Variants in MTMR8 observed in about 807,000 individuals in gnomAD.
MTMR8 encodes the protein myotubularin related protein 8.
Under a neutral mutation model 39.3 loss-of-function variants are expected in MTMR8, and 65 were observed. The observed-to-expected ratio is 1.65, with a 90% CI of 1.35 to 2.03. The LOEUF is 2.03. MTMR8 is among the 30% of genes most tolerant of loss of function. MTMR8 has a pLI of 0.00. For synonymous variants in MTMR8, 245 were observed against 185.2 expected, an observed-to-expected ratio of 1.32 and a Z score of -2.62; for missense variants, 777 against 538.9, an observed-to-expected ratio of 1.44 and a Z score of -4.37.
chrX:64,367,294 G>C (rs749783508), intron 1 of MTMR8, among the ~76,000 whole-genome samples: 1 of 111,786 alleles, frequency 8.9e-6, no homozygotes, highest in African/African-American at 3.3e-5. Flanking sequence ...AAGCCGGGCA[G>C]AGACACAACA....
intron 12 of MTMR8, among the ~76,000 whole-genome samples, chrX:64,283,204 C>T (rs775385668): frequency 1.1e-4 from 12 of 111,994 alleles, no homozygotes; most frequent in Admixed American, 7.6e-4. Flanking sequence ...GAGGGTCCCA[C>T]GCCCAAAAAG....
At chrX:64,271,100 A>G (rs1221473989) in intron 12 of MTMR8, 27 bp from the exon 13 acceptor site, 2 of 1,169,186 alleles carry the variant, frequency 1.7e-6, no homozygotes, top group Non-Finnish European at 2.3e-6. Flanking sequence ...TGGGGGGAAA[A>G]GTGGGTTAGT....
chrX:64,315,825 T>C (rs1922450690), intron 12 of MTMR8, among the ~76,000 whole-genome samples: 1 of 111,852 alleles, frequency 8.9e-6, no homozygotes, highest in Admixed American at 9.5e-5. Context: ...TTCCTGTGGG[T>C]TACTTTTTTA....
intron 1 of MTMR8, among the ~76,000 whole-genome samples, chrX:64,378,462 C>T (rs1254606621): frequency 8.9e-6 from 1 of 111,984 alleles, no homozygotes; most frequent in South Asian, 3.7e-4. Flanking sequence ...CTCAAACGAT[C>T]CTCCTGCCTT....
intron 12 of MTMR8, among the ~76,000 whole-genome samples, chrX:64,323,886 T>A (rs1405986851): frequency 8.9e-6 from 1 of 112,147 alleles, no homozygotes; most frequent in Non-Finnish European, 1.9e-5. Flanking sequence ...AAATACAGCA[T>A]ACCAAAATCC....
chrX:64,336,179 A>G, intron 9 of MTMR8, 51 bp from the exon 10 acceptor site: 1 of 923,186 alleles, frequency 1.1e-6, no homozygotes, highest in Non-Finnish European at 1.5e-6. Context: ...CATAAAATGA[A>G]TTAACCATAC....
chrX:64,288,740 C>T (rs1028095148), intron 12 of MTMR8, among the ~76,000 whole-genome samples: 2 of 110,645 alleles, frequency 1.8e-5, no homozygotes, highest in Admixed American at 1.9e-4. Context: ...AAGCTGGAAA[C>T]CATCATTCTC....
chrX:64,269,944 A>G (rs1295070237), intron 13 of MTMR8, among the ~76,000 whole-genome samples: 2 of 111,395 alleles, frequency 1.8e-5, no homozygotes, highest in African/African-American at 6.5e-5. Flanking sequence ...ATGTGAAATG[A>G]ATCTGATTCT....
intron 12 of MTMR8, among the ~76,000 whole-genome samples, chrX:64,312,670 T>A (rs1471697919): frequency 8.9e-6 from 1 of 112,583 alleles, no homozygotes; most frequent in Non-Finnish European, 1.9e-5. Flanking sequence ...CCATGTACAT[T>A]GGAGCAATTA....
chrX:64,370,485 G>A, intron 1 of MTMR8, among the ~76,000 whole-genome samples: 1 of 111,325 alleles, frequency 9.0e-6, no homozygotes, highest in Non-Finnish European at 1.9e-5. Context: ...TTAGCCCAAA[G>A]TCTGCCAGTG....
At position 64,378,501 on chromosome X, in the gene MTMR8, A is replaced by C. The variant is rs1231151844; in HGVS notation, c.24+16839T>G. On this transcript the variant is annotated intron_variant, in intron 1 of 13. Coordinates refer to ENST00000374852, the MANE Select transcript of MTMR8 (RefSeq NM_017677.4). ...CTCCCAAAATGCTAGGGTCTCAGGC[A>C]TGAGCCACTGTGACCAGCCTGACAC... 4.4e-5 allele frequency among the ~76,000 whole-genome samples: 5 copies of C among 112,561 alleles called. No homozygotes were observed. The Admixed American group carries it at 4.7e-4, about 11-fold the overall frequency.
At position 64,384,069 on chromosome X, in the gene MTMR8, G is replaced by T. The variant is rs190894939; in HGVS notation, c.24+11271C>A. On this transcript the variant is annotated intron_variant, in intron 1 of 13. Coordinates refer to ENST00000374852, the MANE Select transcript of MTMR8 (RefSeq NM_017677.4). Reference sequence around the variant, plus strand: ...TGGGTAAACATTTCCATTCCAAAAGGGAAAAATCAGCCAAAAGAAAGGAGT... The same window carrying T: ...TGGGTAAACATTTCCATTCCAAAAGTGAAAAATCAGCCAAAAGAAAGGAGT... Among the ~76,000 whole-genome samples, 18 of 111,981 alleles carry T rather than the reference G, an allele frequency of 1.6e-4. No individual in the cohort carries two copies. The East Asian group carries it at 5.1e-3, about 32-fold the overall frequency.
chrX:64,295,638 T>C (rs1481157810), intron 12 of MTMR8, among the ~76,000 whole-genome samples: 1 of 111,239 alleles, frequency 9.0e-6, no homozygotes, highest in Non-Finnish European at 1.9e-5. Context: ...AATTCAAAAA[T>C]GGGCAATGGA....
chrX:64,311,469 C>A (rs1428778214), intron 12 of MTMR8, among the ~76,000 whole-genome samples: 2 of 111,493 alleles, frequency 1.8e-5, no homozygotes, highest in Admixed American at 1.9e-4. Flanking sequence ...ATGATAGTTT[C>A]TTTTGCCATG....
At chrX:64,296,454 A>G (rs1185553625) in intron 12 of MTMR8, among the ~76,000 whole-genome samples, 1 of 110,830 alleles carries the variant, frequency 9.0e-6, no homozygotes, top group African/African-American at 3.3e-5. Flanking sequence ...TTAAAATGGT[A>G]AATTTTATGT....
chrX:64,302,880 T>C (rs1921949088), intron 12 of MTMR8, among the ~76,000 whole-genome samples: 1 of 112,162 alleles, frequency 8.9e-6, no homozygotes, highest in Admixed American at 9.5e-5. Flanking sequence ...AGCAACATCA[T>C]ATATTAATAG....
intron 4 of MTMR8, among the ~76,000 whole-genome samples, chrX:64,352,459 C>T (rs1272356733): frequency 9.0e-6 from 1 of 111,667 alleles, no homozygotes; most frequent in African/African-American, 3.3e-5. Flanking sequence ...TTGGGACCTT[C>T]AACACATTCC....
At chrX:64,369,691 C>G (rs1398531069) in intron 1 of MTMR8, among the ~76,000 whole-genome samples, 1 of 110,852 alleles carries the variant, frequency 9.0e-6, no homozygotes, top group Non-Finnish European at 1.9e-5. Context: ...TGCAGCAAAC[C>G]AACATGGCAC....
At chrX:64,387,496 G>T (rs1328913353) in intron 1 of MTMR8, among the ~76,000 whole-genome samples, 1 of 111,018 alleles carries the variant, frequency 9.0e-6, no homozygotes, top group African/African-American at 3.3e-5. Flanking sequence ...CCAAAGGCAG[G>T]AATCCTGTGC....
Sources: gnomAD v4.1 joint callset for allele counts (sites outside exome capture counted in the v4.1 genomes callset) on GRCh38, gnomAD v4.1.1 for gene constraint, MANE v1.5 for transcripts, NCBI Gene and HGNC (gene_info 2026-07-23, HGNC 2026-07-21) for gene names.